CTNNA2: variants seen among roughly 807,000 people sequenced by gnomAD.
The protein encoded by CTNNA2 is catenin alpha-2.
In CTNNA2, 42 loss-of-function variants were observed where a neutral mutation model predicts 101.0. That is an observed-to-expected ratio of 0.42 (90% CI 0.32 to 0.54). The LOEUF (loss-of-function observed/expected upper bound fraction) is 0.54. Among genes scored for constraint, CTNNA2 ranks in the 20% least tolerant of loss-of-function variants. The pLI, the probability that CTNNA2 is intolerant of heterozygous loss-of-function variation, is 0.14. For missense variants in CTNNA2, 871 were observed against 1,223.1 expected (o/e 0.71, Z 4.29); for synonymous variants, 450 against 456.4 (o/e 0.99, Z 0.18).
intron 3 of CTNNA2, among the ~76,000 whole-genome samples, chr2:79,762,948 G>A (rs1260547245): frequency 6.6e-6 from 1 of 152,028 alleles, no homozygotes; most frequent in East Asian, 1.9e-4. Flanking sequence ...CTGTACTGTC[G>A]GGCTCTGTAA....
chr2:80,394,636 T>G (rs1206593232), intron 8 of CTNNA2, among the ~76,000 whole-genome samples: 1 of 152,176 alleles, frequency 6.6e-6, no homozygotes, highest in African/African-American at 2.4e-5. Flanking sequence ...GGAGGTTAGT[T>G]GAAAACGCTG....
chr2:79,458,828 T>C (rs1268619518), intron 4 of CTNNA2, among the ~76,000 whole-genome samples: 1 of 152,118 alleles, frequency 6.6e-6, no homozygotes, highest in Non-Finnish European at 1.5e-5. Flanking sequence ...GCATTTTTGC[T>C]CCGAAAAAGA....
chr2:80,285,155 C>T (rs753073721), intron 7 of CTNNA2, among the ~76,000 whole-genome samples: 7 of 152,096 alleles, frequency 4.6e-5, no homozygotes, highest in Non-Finnish European at 8.8e-5. Context: ...AAAACCAGAC[C>T]ATGATGATTT....
intron 9 of CTNNA2, among the ~76,000 whole-genome samples, chr2:80,454,680 G>T (rs577145426): frequency 6.6e-6 from 1 of 152,336 alleles, no homozygotes; most frequent in African/African-American, 2.4e-5. Flanking sequence ...ACTGGGTCTT[G>T]CTTATTAGTT....
chr2:79,971,284 AT>A (rs1440123606), intron 7 of CTNNA2, among the ~76,000 whole-genome samples: 6 of 152,032 alleles, frequency 3.9e-5, no homozygotes, highest in Admixed American at 3.9e-4. Context: ...GAACTAATTT[AT>A]TTTCCCTTCC....
intron 3 of CTNNA2, chr2:79,340,303 G>C (rs1458179839): frequency 6.6e-6 from 1 of 152,098 alleles, no homozygotes; most frequent in Non-Finnish European, 1.5e-5. Flanking sequence ...AGACTTTAAA[G>C]GTCATGTGGT....
chr2:80,488,164 T>G (rs943679035), intron 9 of CTNNA2, among the ~76,000 whole-genome samples: 1 of 152,150 alleles, frequency 6.6e-6, no homozygotes, highest in African/African-American at 2.4e-5. Context: ...TGGATAATGG[T>G]TAAAAAAATG....
intron 4 of CTNNA2, among the ~76,000 whole-genome samples, chr2:79,471,102 T>C (rs1371088936): frequency 6.6e-6 from 1 of 152,118 alleles, no homozygotes; most frequent in Non-Finnish European, 1.5e-5. Flanking sequence ...AGTAACTATA[T>C]AGGCTGGATG....
intron 8 of CTNNA2, among the ~76,000 whole-genome samples, chr2:80,410,132 TG>T (rs1475703459): frequency 1.3e-5 from 2 of 152,354 alleles, no homozygotes; most frequent in African/African-American, 4.8e-5. Flanking sequence ...TTTTAGACTT[TG>T]TACAAAATAC....
At chr2:79,389,762 C>T (rs931462728) in intron 4 of CTNNA2, among the ~76,000 whole-genome samples, 7 of 152,184 alleles carry the variant, frequency 4.6e-5, no homozygotes, top group East Asian at 1.9e-4. Context: ...CATTACATCA[C>T]GGTTCAGCTA....
intron 7 of CTNNA2, among the ~76,000 whole-genome samples, chr2:80,364,832 A>C (rs911913834): frequency 2.6e-5 from 4 of 152,114 alleles, no homozygotes; most frequent in Non-Finnish European, 5.9e-5. Context: ...CTTTTCCTTA[A>C]AGCAGAAAGT....
At chr2:79,591,854 A>T (rs1432341448) in intron 1 of CTNNA2, among the ~76,000 whole-genome samples, 1 of 147,794 alleles carries the variant, frequency 6.8e-6, no homozygotes, top group East Asian at 2.0e-4. Context: ...GCTGCACCTG[A>T]TTTGTTATTT....
intron 9 of CTNNA2, among the ~76,000 whole-genome samples, chr2:80,482,982 G>T (rs548999697): frequency 6.6e-6 from 1 of 152,116 alleles, no homozygotes; most frequent in African/African-American, 2.4e-5. Context: ...ACTTGATTTT[G>T]TGAACACTTT....
At chr2:80,033,165 A>C (rs2104208503) in intron 7 of CTNNA2, among the ~76,000 whole-genome samples, 1 of 151,458 alleles carries the variant, frequency 6.6e-6, no homozygotes, top group East Asian at 1.9e-4. Context: ...AAAAAAAAAA[A>C]ACAAACACAC....
chr2:79,473,312 A>G (rs571281343), intron 4 of CTNNA2, among the ~76,000 whole-genome samples: 10 of 152,288 alleles, frequency 6.6e-5, no homozygotes, highest in Non-Finnish European at 1.5e-5. Flanking sequence ...AATACCCAAT[A>G]ATTTTGAAAA....
At chr2:80,222,984 G>T (rs1251252556) in intron 7 of CTNNA2, among the ~76,000 whole-genome samples, 1 of 152,082 alleles carries the variant, frequency 6.6e-6, no homozygotes, top group Non-Finnish European at 1.5e-5. Flanking sequence ...TATTAGTTTT[G>T]CTTGGATAGG....
intron 7 of CTNNA2, among the ~76,000 whole-genome samples, chr2:79,915,768 T>C (rs1686156992): frequency 6.6e-6 from 1 of 152,224 alleles, no homozygotes; most frequent in African/African-American, 2.4e-5. Flanking sequence ...TTATTTATAT[T>C]CATTTTCTAT....
At chr2:80,643,989 G>A (rs1573553534) in intron 18 of CTNNA2, among the ~76,000 whole-genome samples, 1 of 152,164 alleles carries the variant, frequency 6.6e-6, no homozygotes, top group African/African-American at 2.4e-5. Context: ...GCCAGGTTTA[G>A]GGGACAGGCT....
chr2:79,377,417 A>T (rs78124716), intron 4 of CTNNA2, among the ~76,000 whole-genome samples: 1 of 152,144 alleles, frequency 6.6e-6, no homozygotes, highest in African/African-American at 2.4e-5. Context: ...AAGCCAAAAT[A>T]ATTTTTTATT....
Sources: allele counts gnomAD v4.1 joint callset (sites outside exome capture counted in the v4.1 genomes callset), GRCh38; gene constraint gnomAD v4.1.1; transcripts MANE v1.5; gene names NCBI Gene and HGNC (gene_info 2026-07-23, HGNC 2026-07-21).